The following CDK14 variants were observed in gnomAD, a reference collection of about 807,000 sequenced individuals.
CDK14 encodes cyclin-dependent kinase 14.
In CDK14, 34 loss-of-function variants were observed where a neutral mutation model predicts 60.7. The observed-to-expected ratio is 0.56, with a 90% confidence interval of 0.43 to 0.75. CDK14 has a LOEUF of 0.75. CDK14 is among the 30% of genes least tolerant of loss of function. CDK14 has a pLI of 0.00. For synonymous variants in CDK14, 197 were observed against 203.7 expected (o/e 0.97, Z 0.28); for missense variants, 482 against 564.1 (o/e 0.85, Z 1.47).
intron 14 of CDK14, among the ~76,000 whole-genome samples, chr7:91,181,012 A>G (rs2115877758): frequency 6.6e-6 from 1 of 152,290 alleles, no homozygotes; most frequent in Non-Finnish European, 1.5e-5. Context: ...CCTCTTAAAT[A>G]TTTCAGAATG....
At chr7:90,742,794 A>G (rs1009993136) in intron 3 of CDK14, among the ~76,000 whole-genome samples, 4 of 151,996 alleles carry the variant, frequency 2.6e-5, no homozygotes, top group Admixed American at 1.3e-4. Flanking sequence ...AACCCATGTT[A>G]TTAAACTATT....
At chr7:90,774,578 A>G (rs919364152) in intron 4 of CDK14, among the ~76,000 whole-genome samples, 17 of 152,222 alleles carry the variant, frequency 1.1e-4, no homozygotes, top group Non-Finnish European at 1.8e-4. Flanking sequence ...TCCTATAAGT[A>G]TGCAAGTAAT....
chr7:91,157,947 T>C (rs910900464), intron 14 of CDK14, among the ~76,000 whole-genome samples: 28 of 151,968 alleles, frequency 1.8e-4, no homozygotes, highest in African/African-American at 6.8e-4. Flanking sequence ...GAGCTTCTGG[T>C]CTGGCACGTG....
chr7:90,638,591 A>T (rs1466685920), intron 2 of CDK14, among the ~76,000 whole-genome samples: 1 of 152,098 alleles, frequency 6.6e-6, no homozygotes, highest in African/African-American at 2.4e-5. Context: ...ACTTTTGTGA[A>T]TCTGACAATT....
At chr7:90,950,026 T>G (rs1794207921) in intron 8 of CDK14, among the ~76,000 whole-genome samples, 1 of 152,254 alleles carries the variant, frequency 6.6e-6, no homozygotes, top group African/African-American at 2.4e-5. Context: ...TTAAGTCTTT[T>G]ATTGTTATTG....
intron 12 of CDK14, among the ~76,000 whole-genome samples, chr7:91,096,563 TA>T (rs572803878): frequency 6.9e-4 from 103 of 149,132 alleles, no homozygotes; most frequent in Non-Finnish European, 1.1e-3. Context: ...ATTTGTTGTT[TA>T]AAAAAAAAAG....
intron 14 of CDK14, among the ~76,000 whole-genome samples, chr7:91,120,132 ACACACATG>A (rs1272196217): frequency 6.6e-6 from 1 of 152,202 alleles, no homozygotes; most frequent in Admixed American, 6.5e-5. Flanking sequence ...GCTACCTCAT[ACACACATG>A]CACACAAGCA....
intron 6 of CDK14, among the ~76,000 whole-genome samples, chr7:90,865,482 G>C (rs1791148034): frequency 6.6e-6 from 1 of 152,066 alleles, no homozygotes; most frequent in African/African-American, 2.4e-5. Context: ...TAATCAGATT[G>C]CTTTCCTCAC....
At chr7:90,709,807 T>A (rs898682092) in intron 2 of CDK14, 3 of 1,427,124 alleles carry the variant, frequency 2.1e-6, no homozygotes, top group African/African-American at 2.9e-5. Flanking sequence ...CCCCCTCTCT[T>A]GGTTGTAGTA....
At chr7:90,789,767 C>A (rs1443808372) in intron 4 of CDK14, among the ~76,000 whole-genome samples, 1 of 151,892 alleles carries the variant, frequency 6.6e-6, no homozygotes, top group Non-Finnish European at 1.5e-5. Flanking sequence ...ACAAACAAAC[C>A]AAATAAAGTA....
intron 10 of CDK14, among the ~76,000 whole-genome samples, chr7:91,016,803 A>G (rs1363146775): frequency 6.6e-6 from 1 of 152,216 alleles, no homozygotes. Context: ...ATATTTTTTC[A>G]TAAGCCAAAC....
chr7:91,143,603 C>T (rs1800532048), intron 14 of CDK14, among the ~76,000 whole-genome samples: 1 of 152,106 alleles, frequency 6.6e-6, no homozygotes, highest in African/African-American at 2.4e-5. Flanking sequence ...CACCTGTAGT[C>T]CCAGCTACTT....
At chr7:91,185,255 T>G (rs1802134979) in intron 14 of CDK14, among the ~76,000 whole-genome samples, 1 of 137,602 alleles carries the variant, frequency 7.3e-6, no homozygotes, top group Non-Finnish European at 1.7e-5. Context: ...TTGGCCTTTC[T>G]CTATCCAATT....
At chr7:90,855,791 T>C (rs1361016472) in intron 5 of CDK14, among the ~76,000 whole-genome samples, 3 of 151,956 alleles carry the variant, frequency 2.0e-5, no homozygotes, top group Non-Finnish European at 4.4e-5. Context: ...ATTAGAGGAG[T>C]GTGTTCTTTA....
At chr7:90,635,972 G>C (rs1800135757) in intron 2 of CDK14, among the ~76,000 whole-genome samples, 2 of 151,890 alleles carry the variant, frequency 1.3e-5, no homozygotes, top group South Asian at 2.1e-4. Flanking sequence ...TGTGATTTTT[G>C]TACATTGATT....
intron 5 of CDK14, among the ~76,000 whole-genome samples, chr7:90,826,303 C>T (rs778847866): frequency 3.8e-4 from 58 of 152,298 alleles, no homozygotes; most frequent in Middle Eastern, 6.8e-3. Flanking sequence ...ACTGCAGCCT[C>T]TGCCTCCCAG....
At chr7:90,646,454 C>G (rs572981463) in intron 2 of CDK14, among the ~76,000 whole-genome samples, 1 of 151,748 alleles carries the variant, frequency 6.6e-6, no homozygotes, top group Admixed American at 6.6e-5. Context: ...ATTCTTTTCT[C>G]TTGTTCTTTT....
chr7:90,650,963 A>C (rs908293703), intron 2 of CDK14, among the ~76,000 whole-genome samples: 11 of 152,044 alleles, frequency 7.2e-5, no homozygotes, highest in Non-Finnish European at 5.9e-5. Flanking sequence ...TCCATATGAA[A>C]TTTAAAGTAG....
chr7:91,179,296 T>C (rs1056841297), intron 14 of CDK14, among the ~76,000 whole-genome samples: 2 of 138,750 alleles, frequency 1.4e-5, no homozygotes, highest in Non-Finnish European at 3.0e-5. Flanking sequence ...TAGGTGGGAA[T>C]TGAACAATGA....
Sources: gnomAD v4.1 joint callset for allele counts (sites outside exome capture counted in the v4.1 genomes callset) on GRCh38, gnomAD v4.1.1 for gene constraint, MANE v1.5 for transcripts, NCBI Gene and HGNC (gene_info 2026-07-23, HGNC 2026-07-21) for gene names.